The following PDIA6 variants were observed in gnomAD, a reference collection of about 807,000 sequenced individuals.
PDIA6 encodes protein disulfide isomerase family A member 6.
In PDIA6, 29 loss-of-function variants were observed where a neutral mutation model predicts 58.4. The ratio of observed to expected loss-of-function variants is 0.50; its 90% CI spans 0.37 to 0.68. PDIA6 has a LOEUF of 0.68. Among genes scored for constraint, PDIA6 ranks in the 30% least tolerant of loss-of-function variants. PDIA6 has a pLI of 0.00. For synonymous variants in PDIA6, 192 were observed against 202.6 expected, an observed-to-expected ratio of 0.95 and a Z score of 0.44; for missense variants, 480 against 551.0, an observed-to-expected ratio of 0.87 and a Z score of 1.29.
At chr2:10,802,395 A>G in intron 2 of PDIA6, 104 bp downstream of exon 2, 1 of 660,038 alleles carries the variant, frequency 1.5e-6, no homozygotes, top group Non-Finnish European at 2.3e-6. Flanking sequence ...TTAAACAAAC[A>G]CTAAGCTAAA....
At chr2:10,836,644 A>AC (rs554720928), upstream of PDIA6, among the ~76,000 whole-genome samples, 93 of 150,960 alleles carry the variant, frequency 6.2e-4, no homozygotes, top group Admixed American at 1.7e-3. Context: ...AGTTTGTGTA[A>AC]CCCCCCCAGC....
At chr2:10,802,315 CAA>C (rs1338072302) in intron 2 of PDIA6, among the ~76,000 whole-genome samples, 182 bp downstream of exon 2, 4 of 152,152 alleles carry the variant, frequency 2.6e-5, no homozygotes, top group African/African-American at 9.7e-5. Flanking sequence ...ATCACCTCAT[CAA>C]AAGACAGATC....
At position 10,822,731 on chromosome 2, in the gene PDIA6, A is replaced by G. The variant is rs116713649; in HGVS notation, c.-47-3377T>C. 7.5e-3 allele frequency among the ~76,000 whole-genome samples: 1,141 copies of G among 152,326 alleles called. 19 individuals are homozygous for G. The highest frequency in any genetic ancestry group is 0.026 in the African/African-American group (1,097 of 41,558). ...GATCGGTGCAGTAGCATTTGGGTAT[A>G]TGTTCTGGCCTGGCTTTACTAAACA... On this transcript the variant is annotated intron_variant, in intron 1 of 13. Transcript: ENST00000381611.
chr2:10,819,215 C>T, intron 2 of PDIA6: 1 of 1,062,486 alleles, frequency 9.4e-7, no homozygotes, highest in Non-Finnish European at 1.4e-6. Context: ...GGGTTGTTTT[C>T]ACCTTTTGGC....
intron 2 of PDIA6, among the ~76,000 whole-genome samples, 171 bp from the exon 3 acceptor site, chr2:10,797,928 T>C (rs550777235): frequency 6.6e-6 from 1 of 152,184 alleles, no homozygotes; most frequent in East Asian, 1.9e-4. Context: ...CTCACGCCTG[T>C]AATCTCCAGT....
chr2:10,817,079 C>T (rs1172351068), upstream of PDIA6, among the ~76,000 whole-genome samples: 1 of 152,310 alleles, frequency 6.6e-6, no homozygotes, highest in South Asian at 2.1e-4. Flanking sequence ...TGCCGACGCA[C>T]ACACACACAC....
At chr2:10,818,219 G>A (rs1414415507) in intron 2 of PDIA6, among the ~76,000 whole-genome samples, 1 of 150,898 alleles carries the variant, frequency 6.6e-6, no homozygotes, top group Non-Finnish European at 1.5e-5. Context: ...CTGGAGTACA[G>A]TGGTGTGATC....
chr2:10,783,724 T>A lies in PDIA6; in HGVS notation c.*534A>T, dbSNP rs1665544517. ...TGTGGTGGGCATAGGTGGCACCATC[T>A]AAAGAAAAGAGGTCTTGTTTTTTGT... On this transcript the variant is annotated 3_prime_UTR_variant, in exon 13 of 13. Coordinates refer to ENST00000272227, the MANE Select transcript of PDIA6 (RefSeq NM_005742.4). 1 of 157,646 alleles carries A rather than the reference T, an allele frequency of 6.3e-6. No homozygotes were observed. Among genetic ancestry groups the A allele is most frequent in the Admixed American group, 6.3e-5 (1 of 15,970 alleles). 9.8% of individuals were successfully genotyped at this position (157,646 alleles called of 1,614,324 possible). A position where few individuals can be genotyped will look rare whatever the true frequency, so the allele number is the denominator to read the frequency against.
intron 11 of PDIA6, among the ~76,000 whole-genome samples, chr2:10,785,480 GA>G (rs1665679289): frequency 6.6e-6 from 1 of 152,164 alleles, no homozygotes; most frequent in Non-Finnish European, 1.5e-5. Context: ...ATCAGTACTT[GA>G]AACATACCAG....
chr2:10,792,927 C>T (rs1459066009), intron 5 of PDIA6, among the ~76,000 whole-genome samples, 169 bp downstream of exon 5: 1 of 152,206 alleles, frequency 6.6e-6, no homozygotes, highest in Non-Finnish European at 1.5e-5. Context: ...GCCAAATGAG[C>T]AGGCTGGAGG....
At chr2:10,790,134 A>G (rs1407030160) in intron 7 of PDIA6, among the ~76,000 whole-genome samples, 1 of 151,962 alleles carries the variant, frequency 6.6e-6, no homozygotes, top group African/African-American at 2.4e-5. Context: ...ACACACCACC[A>G]CACCCGGCTA....
chr2:10,812,806 T>C (rs1299581598), upstream of PDIA6: 17 of 1,195,944 alleles, frequency 1.4e-5, no homozygotes, highest in East Asian at 5.8e-4. Context: ...AGTCCGGTGG[T>C]CCGAGGGGCG....
At chr2:10,807,916 G>A (rs1046810392) in intron 1 of PDIA6, among the ~76,000 whole-genome samples, 6 of 152,164 alleles carry the variant, frequency 3.9e-5, no homozygotes, top group Non-Finnish European at 8.8e-5. Context: ...CCCATCTATG[G>A]TCATACATAT....
At position 10,793,216 on chromosome 2, in the gene PDIA6, A is replaced by AAGAT; in HGVS notation, c.347-15_347-14insATCT. 6.4e-7 allele frequency: 1 copy of AAGAT among 1,554,392 alleles called. No homozygotes were observed. Among genetic ancestry groups the AAGAT allele is most frequent in the Non-Finnish European group, 8.8e-7 (1 of 1,133,730 alleles). Reference sequence around the variant, plus strand: ...CAGTTCTGCCACCTACAGGAGACGGAAGGTAGGCGGTCCTCAGCCCGGCCT... The same window carrying AAGAT: ...CAGTTCTGCCACCTACAGGAGACGGAAGATAGGTAGGCGGTCCTCAGCCCGGCCT... On this transcript the variant is annotated splice_polypyrimidine_tract_variant and intron_variant, in intron 4 of 12. Coordinates refer to ENST00000272227, the MANE Select transcript of PDIA6 (RefSeq NM_005742.4).
intron 4 of PDIA6, among the ~76,000 whole-genome samples, chr2:10,793,418 T>C (rs1666127115): frequency 6.6e-6 from 1 of 152,212 alleles, no homozygotes; most frequent in Non-Finnish European, 1.5e-5. Flanking sequence ...TTTTTATTTA[T>C]TATTATTATT....
At position 10,812,743 on chromosome 2, in the gene PDIA6, G is replaced by A. The variant is rs777309229; in HGVS notation, c.-47C>T. 2.1e-6 allele frequency: 3 copies of A among 1,446,422 alleles called. No homozygotes were observed. The highest frequency in any genetic ancestry group is 3.0e-5 in the East Asian group (1 of 33,052). 89.6% of individuals were successfully genotyped at this position (1,446,422 alleles called of 1,614,324 possible). ...AGTCCCCACCGCCGCCGCCGCTTCA[G>A]CCCTGCAGCGTGCCGCACGCCGCGC... On this transcript the variant is annotated 5_prime_UTR_variant, in exon 1 of 13. Coordinates refer to ENST00000272227, the MANE Select transcript of PDIA6 (RefSeq NM_005742.4).
At chr2:10,814,872 G>A (rs1284578350), upstream of PDIA6, among the ~76,000 whole-genome samples, 1 of 152,142 alleles carries the variant, frequency 6.6e-6, no homozygotes, top group Non-Finnish European at 1.5e-5. Flanking sequence ...CAGAACCCTC[G>A]AACTGCGGTG....
At chr2:10,794,671 G>A (rs112133218) in intron 4 of PDIA6, among the ~76,000 whole-genome samples, 1 of 151,666 alleles carries the variant, frequency 6.6e-6, no homozygotes, top group Non-Finnish European at 1.5e-5. Flanking sequence ...GCTCACGCCT[G>A]TAATCCCAGC....
intron 2 of PDIA6, among the ~76,000 whole-genome samples, chr2:10,798,341 G>T (rs565311670): frequency 6.6e-6 from 1 of 152,208 alleles, no homozygotes; most frequent in African/African-American, 2.4e-5. Context: ...GGCCAAGGCA[G>T]GCAGATCACT....
Sources: gnomAD v4.1 joint callset for allele counts (sites outside exome capture counted in the v4.1 genomes callset) on GRCh38, gnomAD v4.1.1 for gene constraint, MANE v1.5 for transcripts, NCBI Gene and HGNC (gene_info 2026-07-23, HGNC 2026-07-21) for gene names.